RNF144A: variants seen among roughly 807,000 people sequenced by gnomAD.
RNF144A encodes the protein ring finger protein 144A, also known as E3 ubiquitin-protein ligase RNF144A.
In RNF144A, 11 loss-of-function variants were observed where a neutral mutation model predicts 38.7. The ratio of observed to expected loss-of-function variants is 0.28; its 90% CI spans 0.18 to 0.47. The LOEUF (loss-of-function observed/expected upper bound fraction) is 0.47. RNF144A is among the 20% of genes least tolerant of loss of function. The probability of loss-of-function intolerance (pLI) is 0.99; values close to 1 mark genes in which losing one functional copy is unlikely to be tolerated. For missense variants in RNF144A, 316 were observed against 377.2 expected (o/e 0.84, Z 1.34); for synonymous variants, 149 against 143.9 (o/e 1.04, Z -0.25).
At chr2:7,047,313 A>G (rs1407300138), downstream of RNF144A, among the ~76,000 whole-genome samples, 1 of 152,096 alleles carries the variant, frequency 6.6e-6, no homozygotes, top group East Asian at 1.9e-4. Flanking sequence ...TAGTGTGGGA[A>G]GTGTATTAGT....
chr2:6,989,895 T>G (rs963952148), intron 2 of RNF144A, among the ~76,000 whole-genome samples: 1 of 152,142 alleles, frequency 6.6e-6, no homozygotes, highest in Non-Finnish European at 1.5e-5. Context: ...AAAAAAGACC[T>G]TATTTTTTTA....
At chr2:7,075,168 A>C in the RNF144A span, among the ~76,000 whole-genome samples, 2 of 152,112 alleles carry the variant, frequency 1.3e-5, no homozygotes. Flanking sequence ...AATGTTGGGA[A>C]GACATCTTTC....
intron 3 of RNF144A, among the ~76,000 whole-genome samples, chr2:7,003,841 G>A (rs965283640): frequency 1.3e-5 from 2 of 152,198 alleles, no homozygotes; most frequent in African/African-American, 4.8e-5. Context: ...AAGGGGGCAT[G>A]CATTTTCTTA....
intron 2 of RNF144A, among the ~76,000 whole-genome samples, chr2:6,946,791 A>G (rs1175243327): frequency 1.3e-5 from 2 of 152,188 alleles, no homozygotes; most frequent in Non-Finnish European, 2.9e-5. Context: ...TCTAAGTGAA[A>G]AAGTAATGAG....
At chr2:6,973,571 C>T (rs868223439) in intron 2 of RNF144A, among the ~76,000 whole-genome samples, 27 of 152,124 alleles carry the variant, frequency 1.8e-4, no homozygotes, top group Admixed American at 7.8e-4. Flanking sequence ...GAAGATAGGC[C>T]AGTGAGGATG....
At chr2:7,044,435 G>A (rs932553886), downstream of RNF144A, among the ~76,000 whole-genome samples, 4 of 152,176 alleles carry the variant, frequency 2.6e-5, no homozygotes, top group Admixed American at 6.5e-5. Flanking sequence ...TTTGTTGGGT[G>A]TATCAACCCG....
Position 6,927,012 on chromosome 2 carries a change from T to G in RNF144A, c.-212+9390T>G, listed in dbSNP as rs569487724. On this transcript the variant is annotated intron_variant, in intron 1 of 8. Transcript: ENST00000320892. ...CATGGCAGGGATTCATCTCTTAAAC[T>G]TGCGGTACTTTGTTGAGTCCAGTTT... 1.3e-3 allele frequency among the ~76,000 whole-genome samples: 192 copies of G among 152,300 alleles called. 1 individual carries two copies. Among genetic ancestry groups the G allele is most frequent in the African/African-American group, 4.2e-3 (176 of 41,558 alleles).
intron 3 of RNF144A, among the ~76,000 whole-genome samples, chr2:7,011,009 G>A (rs1171730823): frequency 1.3e-5 from 2 of 152,190 alleles, no homozygotes; most frequent in South Asian, 2.1e-4. Context: ...ACATACAAAG[G>A]AGAGGTTCTC....
intron 2 of RNF144A, among the ~76,000 whole-genome samples, chr2:6,954,328 C>T (rs561093667): frequency 1.3e-5 from 2 of 151,990 alleles, no homozygotes; most frequent in South Asian, 4.2e-4. Flanking sequence ...TCTTAGTAGA[C>T]AGCACTGATA....
At chr2:6,959,868 G>A (rs55766495) in intron 2 of RNF144A, among the ~76,000 whole-genome samples, 1 of 152,174 alleles carries the variant, frequency 6.6e-6, no homozygotes, top group Non-Finnish European at 1.5e-5. Context: ...CATAGCACTG[G>A]AGCAGCAAGT....
chr2:6,959,941 C>T (rs1290356696), intron 2 of RNF144A, among the ~76,000 whole-genome samples: 1 of 152,206 alleles, frequency 6.6e-6, no homozygotes. Flanking sequence ...ACTTTGATCT[C>T]AGTCAAGGGG....
chr2:7,006,388 G>T (rs1361239737), intron 3 of RNF144A, among the ~76,000 whole-genome samples: 3 of 152,174 alleles, frequency 2.0e-5, no homozygotes, highest in African/African-American at 4.8e-5. Context: ...CAGGCCAGAA[G>T]ATCTCAGCCT....
At chr2:7,029,155 G>T (rs1672112122) in intron 7 of RNF144A, among the ~76,000 whole-genome samples, 1 of 152,216 alleles carries the variant, frequency 6.6e-6, no homozygotes, top group South Asian at 2.1e-4. Context: ...GTGTTTGTTT[G>T]TTCTTTTCTG....
chr2:6,940,284 C>T (rs548267242), intron 1 of RNF144A, among the ~76,000 whole-genome samples: 75 of 152,234 alleles, frequency 4.9e-4, no homozygotes, highest in African/African-American at 1.7e-3. Context: ...ACAGATCTTA[C>T]ACATCTTTTG....
chr2:6,925,900 A>G (rs1396939122), intron 1 of RNF144A, among the ~76,000 whole-genome samples: 1 of 152,234 alleles, frequency 6.6e-6, no homozygotes, highest in Non-Finnish European at 1.5e-5. Flanking sequence ...ATACACATGC[A>G]TCAATACACA....
chr2:6,985,225 G>C (rs1259800834), intron 2 of RNF144A, among the ~76,000 whole-genome samples: 1 of 147,912 alleles, frequency 6.8e-6, no homozygotes, highest in Non-Finnish European at 1.5e-5. Context: ...TCTTTGAACA[G>C]ATTTAGTGTC....
chr2:6,955,877 T>A (rs1434191017), intron 2 of RNF144A, among the ~76,000 whole-genome samples: 1 of 152,188 alleles, frequency 6.6e-6, no homozygotes, highest in Non-Finnish European at 1.5e-5. Context: ...ACAGACCACA[T>A]GCTATTTCTG....
At chr2:7,026,861 G>A (rs1671937919) in intron 7 of RNF144A, among the ~76,000 whole-genome samples, 1 of 152,314 alleles carries the variant, frequency 6.6e-6, no homozygotes, top group South Asian at 2.1e-4. Flanking sequence ...GAACCAGGCC[G>A]CACTTTTCCT....
At chr2:7,016,144 G>A (rs1456597269) in intron 5 of RNF144A, among the ~76,000 whole-genome samples, 3 of 147,042 alleles carry the variant, frequency 2.0e-5, no homozygotes, top group Admixed American at 6.7e-5. Flanking sequence ...AAAAAAATAT[G>A]TAGCCCACTT....
Sources: allele counts gnomAD v4.1 joint callset (sites outside exome capture counted in the v4.1 genomes callset), GRCh38; gene constraint gnomAD v4.1.1; transcripts MANE v1.5; gene names NCBI Gene and HGNC (gene_info 2026-07-23, HGNC 2026-07-21).